Variants in MSR1 observed in about 807,000 individuals in gnomAD.
MSR1 encodes the protein macrophage scavenger receptor types I and II.
Under a neutral mutation model 47.2 loss-of-function variants are expected in MSR1, and 53 were observed. The ratio of observed to expected loss-of-function variants is 1.12; its 90% CI spans 0.90 to 1.41. The LOEUF is 1.41. Among genes scored for constraint, MSR1 ranks in the 40% most tolerant of loss-of-function variants. The pLI, the probability that MSR1 is intolerant of heterozygous loss-of-function variation, is 0.00. For synonymous variants in MSR1, 239 were observed against 185.6 expected, an observed-to-expected ratio of 1.29 and a Z score of -2.34; for missense variants, 786 against 546.9, an observed-to-expected ratio of 1.44 and a Z score of -4.36.
At chr8:16,168,920 A>C (rs1254765981) in intron 3 of MSR1, 50 bp from the exon 4 acceptor site, 2 of 1,516,932 alleles carry the variant, frequency 1.3e-6, no homozygotes, top group Non-Finnish European at 1.8e-6. Context: ...CCTTGAATGC[A>C]TACAGGATCC....
At chr8:16,112,955 T>C (rs1451113626) in intron 9 of MSR1, among the ~76,000 whole-genome samples, 2 of 145,108 alleles carry the variant, frequency 1.4e-5, no homozygotes, top group Non-Finnish European at 3.0e-5. Flanking sequence ...TTTTTTTTTT[T>C]TTTTTTTTTG....
intron 7 of MSR1, among the ~76,000 whole-genome samples, chr8:16,145,653 C>T (rs1380926400): frequency 1.3e-5 from 2 of 151,946 alleles, no homozygotes; most frequent in African/African-American, 4.8e-5. Context: ...TGCCTTTGTT[C>T]TTATACCACT....
intron 2 of MSR1, among the ~76,000 whole-genome samples, chr8:16,175,565 G>A (rs1801622441): frequency 6.6e-6 from 1 of 152,106 alleles, no homozygotes; most frequent in Non-Finnish European, 1.5e-5. Context: ...GTGCTTGTTT[G>A]ATCTTTTGGA....
intron 3 of MSR1, 83 bp from the exon 4 acceptor site, chr8:16,168,953 T>C: frequency 7.4e-7 from 1 of 1,349,890 alleles, no homozygotes; most frequent in East Asian, 2.3e-5. Context: ...TTCCATTCCG[T>C]TCATTTTATT....
Position 16,161,658 on chromosome 8 carries a change from C to T in MSR1, c.817+2407G>A, listed in dbSNP as rs188478333. 4.9e-3 allele frequency among the ~76,000 whole-genome samples: 744 copies of T among 151,882 alleles called. 9 individuals are homozygous for T. Among genetic ancestry groups the T allele is most frequent in the Middle Eastern group, 0.017 (5 of 294 alleles). ...ATATTACCCTGAATTTTGTGTTTATCATTTTCTTAAATTTTAAAACAATGA... is the reference window on the plus strand; with the variant it reads ...ATATTACCCTGAATTTTGTGTTTATTATTTTCTTAAATTTTAAAACAATGA... On this transcript the variant is annotated intron_variant, in intron 5 of 9. Transcript: ENST00000262101.
chr8:16,122,563 T>C (rs553205235), intron 8 of MSR1, among the ~76,000 whole-genome samples: 1 of 152,254 alleles, frequency 6.6e-6, no homozygotes, highest in African/African-American at 2.4e-5. Flanking sequence ...TAAATGAGCC[T>C]TGCTTGTCCT....
chr8:16,155,208 G>C (rs1338623144), intron 5 of MSR1, 64 bp from the exon 6 acceptor site: 1 of 1,182,552 alleles, frequency 8.5e-7, no homozygotes, highest in Non-Finnish European at 1.3e-6. Flanking sequence ...TTAGTCATCT[G>C]TCAAGGTACT....
intron 7 of MSR1, among the ~76,000 whole-genome samples, chr8:16,147,807 AC>A (rs2117125013): frequency 6.6e-6 from 1 of 152,156 alleles, no homozygotes; most frequent in East Asian, 1.9e-4. Flanking sequence ...TTGTCAAGGG[AC>A]TTATTACCTC....
At chr8:16,173,317 T>C (rs1563165664) in intron 3 of MSR1, among the ~76,000 whole-genome samples, 1 of 152,200 alleles carries the variant, frequency 6.6e-6, no homozygotes, top group Non-Finnish European at 1.5e-5. Context: ...GAAGCTGCGG[T>C]CCCTGGTGCT....
At position 16,120,616 on chromosome 8, in the gene MSR1, TAAAAAAAAAAAAAAAA is replaced by T. The variant is rs60866666; in HGVS notation, c.1034-26_1034-11del. On this transcript the variant is annotated splice_polypyrimidine_tract_variant and intron_variant, in intron 8 of 9. Transcript: ENST00000262101. ...ACTTTCGTAAATGGAGCTGTAAAGTTAAAAAAAAAAAAAAAAAAAAAAAAAGGCAAGCAAGGACTAA... is the reference window on the plus strand; with the variant it reads ...ACTTTCGTAAATGGAGCTGTAAAGTTAAAAAAAAAGGCAAGCAAGGACTAA... 7.5e-6 allele frequency: 9 copies of T among 1,195,930 alleles called. No homozygotes were observed. The East Asian group carries it at 3.0e-4, about 40-fold the overall frequency. 74.1% of individuals were successfully genotyped at this position (1,195,930 alleles called of 1,614,324 possible). A position where few individuals can be genotyped will look rare whatever the true frequency, so the allele number is the denominator to read the frequency against.
chr8:16,189,276 A>ATATATAAAATCTTATATTTCAT (rs1563175337), intron 1 of MSR1, among the ~76,000 whole-genome samples: 81 of 127,998 alleles, frequency 6.3e-4, no homozygotes, highest in African/African-American at 2.4e-3. Context: ...TTATATTTCA[A>ATATATAAAATCTTATATTTCAT]ATATATAAAA....
At chr8:16,192,441 T>C (rs2116962276) in intron 1 of MSR1, among the ~76,000 whole-genome samples, 157 bp downstream of exon 1, 1 of 132,526 alleles carries the variant, frequency 7.5e-6, no homozygotes, top group African/African-American at 3.4e-5. Context: ...AACCAAATTA[T>C]TGCTGATACA....
At chr8:16,189,105 A>G (rs1802088817) in intron 1 of MSR1, among the ~76,000 whole-genome samples, 1 of 145,812 alleles carries the variant, frequency 6.9e-6, no homozygotes, top group South Asian at 2.1e-4. Context: ...CTTATTTTAC[A>G]TATATTTCAT....
intron 3 of MSR1, among the ~76,000 whole-genome samples, chr8:16,171,214 G>A (rs1404454043): frequency 1.9e-5 from 2 of 104,764 alleles, no homozygotes; most frequent in Non-Finnish European, 3.5e-5. Context: ...GGCTGACAGA[G>A]CAAGACTCAG....
At chr8:16,131,689 C>T (rs1411203255) in intron 8 of MSR1, among the ~76,000 whole-genome samples, 3 of 151,846 alleles carry the variant, frequency 2.0e-5, no homozygotes, top group Non-Finnish European at 2.9e-5. Flanking sequence ...CAGTTTCAGT[C>T]TTCTGCATAT....
Position 16,108,415 on chromosome 8 carries a change from G to A in MSR1, c.*1670C>T, listed in dbSNP as rs1585126281. On this transcript the variant is annotated 3_prime_UTR_variant, in exon 10 of 10. Coordinates refer to ENST00000262101, the MANE Select transcript of MSR1 (RefSeq NM_138715.3). The stretch of plus-strand genomic sequence containing the variant: ...CCACTTACGCATAAGTAGTAAATCA[G>A]CATACATATACCATACAGCAATACA... 6 of 151,824 alleles carry A rather than the reference G, an allele frequency of 4.0e-5. No homozygotes were observed. Among genetic ancestry groups the A allele is most frequent in the Admixed American group, 3.9e-4 (6 of 15,248 alleles). 9.4% of individuals were successfully genotyped at this position (151,824 alleles called of 1,614,324 possible).
intron 3 of MSR1, among the ~76,000 whole-genome samples, chr8:16,171,436 T>C (rs1166055203): frequency 1.3e-5 from 2 of 152,186 alleles, no homozygotes; most frequent in Non-Finnish European, 2.9e-5. Context: ...ACAATAGAGT[T>C]TGTATTGAGT....
chr8:16,187,709 G>T (rs1024051388), intron 1 of MSR1, among the ~76,000 whole-genome samples: 7 of 152,044 alleles, frequency 4.6e-5, no homozygotes, highest in African/African-American at 1.7e-4. Context: ...TATATCTTAG[G>T]TTATGCCTCA....
At chr8:16,112,153 G>C (rs143812542) in intron 9 of MSR1, among the ~76,000 whole-genome samples, 135 of 152,258 alleles carry the variant, frequency 8.9e-4, no homozygotes, top group African/African-American at 3.1e-3. Flanking sequence ...ACATGGATGT[G>C]ACAAATGTAT....
Sources: allele counts gnomAD v4.1 joint callset (sites outside exome capture counted in the v4.1 genomes callset), GRCh38; gene constraint gnomAD v4.1.1; transcripts MANE v1.5; gene names NCBI Gene and HGNC (gene_info 2026-07-23, HGNC 2026-07-21).